Variants in KIAA1549L observed in about 807,000 individuals in gnomAD.
KIAA1549L encodes UPF0606 protein KIAA1549L.
In KIAA1549L, 88 loss-of-function variants were observed where a neutral mutation model predicts 160.7. That is an observed-to-expected ratio of 0.55 (90% CI 0.46 to 0.65). KIAA1549L has a LOEUF of 0.65. Among genes scored for constraint, KIAA1549L ranks in the 30% least tolerant of loss-of-function variants. The pLI is 0.00. For missense variants in KIAA1549L, 2,258 were observed against 2,437.5 expected (o/e 0.93, Z 1.55); for synonymous variants, 950 against 976.7 (o/e 0.97, Z 0.51).
At chr11:33,552,730 A>G (rs868580333) in intron 6 of KIAA1549L, among the ~76,000 whole-genome samples, 2 of 150,898 alleles carry the variant, frequency 1.3e-5, no homozygotes, top group East Asian at 3.9e-4. Context: ...AGTCTTTACT[A>G]TGTGCCAGGA....
rs1196454444 is a variant in KIAA1549L at position 33,516,446 on chromosome 11, C to T, written c.239-25356C>T. Among the ~76,000 whole-genome samples, 10 of 15,282 alleles carry T rather than the reference C, an allele frequency of 6.5e-4. 4 individuals are homozygous for T. The highest frequency in any genetic ancestry group is 2.1e-3 in the African/African-American group (2 of 968). 10.0% of individuals were successfully genotyped at this position (15,282 alleles called of 152,430 possible). A position where few individuals can be genotyped will look rare whatever the true frequency, so the allele number is the denominator to read the frequency against. On this transcript the variant is annotated intron_variant, in intron 1 of 20. Transcript: ENST00000658780. ...GATTACAGGCGTGAGCCACCGCGCC[C>T]GGCCTGGAGGTGATTCTTGAGATGT...
chr11:33,545,440 G>A, intron 3 of KIAA1549L, 62 bp downstream of exon 3: 1 of 1,502,414 alleles, frequency 6.7e-7, no homozygotes, highest in East Asian at 2.4e-5. Context: ...TAACCATAAT[G>A]TTTATTTTAG....
chr11:33,550,973 A>G, intron 4 of KIAA1549L, 67 bp from the exon 5 acceptor site: 1 of 1,315,846 alleles, frequency 7.6e-7, no homozygotes. Context: ...GTTCTAAGAA[A>G]TACCAGGAAG....
At position 33,604,072 on chromosome 11, in the gene KIAA1549L, C is replaced by T. The variant is rs56247905; in HGVS notation, c.4880-2569C>T. Among the ~76,000 whole-genome samples the T allele has an allele frequency of 8.2e-3, 1,245 of 152,220 alleles. 10 individuals are homozygous for T. The highest frequency in any genetic ancestry group is 0.027 in the African/African-American group (1,141 of 41,534). ...GGATAGAGGGAGAAGAGGGAAAGCT[C>T]AGAGGTGGAAGGTTGTTTAGAAGGT... is the stretch of plus-strand genomic sequence containing the variant. On this transcript the variant is annotated intron_variant, in intron 13 of 20. Coordinates refer to ENST00000658780, the MANE Select transcript of KIAA1549L (RefSeq NM_012194.3).
At position 33,583,321 on chromosome 11, in the gene KIAA1549L, C is replaced by T; in HGVS notation, c.4403-17C>T. The T allele has an allele frequency of 6.3e-7, 1 of 1,591,716 alleles. No individual in the cohort carries two copies. Among genetic ancestry groups the T allele is most frequent in the Non-Finnish European group, 8.6e-7 (1 of 1,168,834 alleles). On this transcript the variant is annotated splice_polypyrimidine_tract_variant and intron_variant, in intron 10 of 20. Transcript: ENST00000658780. ...AGTGTTGCTTGTCATGTCCCTCCTG[C>T]TGGCTCTTTCCCACAGCCGTGGTGA...
intron 1 of KIAA1549L, among the ~76,000 whole-genome samples, chr11:33,465,046 C>CTTTTTTTTTTTTTT (rs1008261470): frequency 1.3e-5 from 1 of 78,964 alleles, no homozygotes; most frequent in Non-Finnish European, 2.5e-5. Flanking sequence ...GGACCTTCTT[C>CTTTTTTTTTTTTTT]TTTTTTTTTT....
rs372212625 is a variant in KIAA1549L at position 33,400,978 on chromosome 11, C to G, written c.238+24089C>G. 1.8e-4 allele frequency among the ~76,000 whole-genome samples: 28 copies of G among 152,252 alleles called. No homozygotes were observed. The South Asian group carries it at 5.8e-3, about 32-fold the overall frequency. ...CTGAACCCAAGGCCTGTGCTCCTGT[C>G]CACTGCTAAGCTGAATGCTCTCCAT... On this transcript the variant is annotated intron_variant, in intron 1 of 20. Coordinates refer to ENST00000658780, the MANE Select transcript of KIAA1549L (RefSeq NM_012194.3).
At chr11:33,632,603 A>G (rs917171897) in intron 16 of KIAA1549L, among the ~76,000 whole-genome samples, 7 of 152,060 alleles carry the variant, frequency 4.6e-5, no homozygotes, top group African/African-American at 1.7e-4. Flanking sequence ...TTAGAGAGAC[A>G]GATCTTGCTC....
intron 1 of KIAA1549L, among the ~76,000 whole-genome samples, chr11:33,538,309 A>G (rs1256889576): frequency 2.6e-5 from 4 of 152,222 alleles, no homozygotes; most frequent in African/African-American, 9.7e-5. Context: ...GGGTGGAGAC[A>G]CAAAGCCTAG....
chr11:33,438,989 C>T (rs950129136), intron 1 of KIAA1549L, among the ~76,000 whole-genome samples: 4 of 151,284 alleles, frequency 2.6e-5, no homozygotes, highest in Non-Finnish European at 3.0e-5. Context: ...TGCAGTGGCA[C>T]GATCTCAGCT....
At chr11:33,401,851 G>A (rs1249591101) in intron 1 of KIAA1549L, among the ~76,000 whole-genome samples, 2 of 152,182 alleles carry the variant, frequency 1.3e-5, no homozygotes, top group East Asian at 1.9e-4. Context: ...AGCAGCAAGA[G>A]GAGGTCCAAC....
rs748234166 is a variant in KIAA1549L, at chr11:33,646,025, C to T, written c.5749C>T (p.Leu1917=). ...CCGCCCAGAAATGTATCAGTACAGTCTGCCCCGGCCGGTAAGTCATTCATT... is the reference window on the plus strand; with the variant it reads ...CCGCCCAGAAATGTATCAGTACAGTTTGCCCCGGCCGGTAAGTCATTCATT... ...TYRPEMYQYS[L]PRPAYRFSQL... Residue 1917 remains leucine, a synonymous_variant, in exon 17 of 21, where the codon CTG becomes TTG. Coordinates refer to ENST00000658780, the MANE Select transcript of KIAA1549L (RefSeq NM_012194.3). 1.3e-6 allele frequency: 2 copies of T among 1,566,806 alleles called. No individual in the cohort carries two copies. The highest frequency in any genetic ancestry group is 1.2e-5 in the South Asian group (1 of 85,634).
intron 1 of KIAA1549L, among the ~76,000 whole-genome samples, chr11:33,525,934 G>C (rs901307228): frequency 6.6e-6 from 1 of 151,896 alleles, no homozygotes; most frequent in African/African-American, 2.4e-5. Context: ...AGAACCACCC[G>C]CACCGCTGCC....
intron 19 of KIAA1549L, among the ~76,000 whole-genome samples, chr11:33,660,382 G>A (rs377628573): frequency 1.1e-3 from 169 of 152,206 alleles, no homozygotes; most frequent in African/African-American, 3.7e-3. Flanking sequence ...TCGAGACCAC[G>A]GTGAAACCCC....
chr11:33,454,153 CGGA>C (rs1851775753), intron 1 of KIAA1549L, among the ~76,000 whole-genome samples: 1 of 152,188 alleles, frequency 6.6e-6, no homozygotes, highest in South Asian at 2.1e-4. Flanking sequence ...AAGAAGTAAG[CGGA>C]GGAGACTCTG....
intron 15 of KIAA1549L, among the ~76,000 whole-genome samples, chr11:33,617,789 G>GTGGGTGGA (rs370455328): frequency 2.7e-5 from 4 of 149,040 alleles, no homozygotes; most frequent in Admixed American, 1.3e-4. Flanking sequence ...GGAAGCCTCG[G>GTGGGTGGA]TGGATGGATG....
In KIAA1549L at chr11:33,523,080, G is replaced by C. The variant is rs566121003; in HGVS notation, c.239-18722G>C. ...AATTTGTCAGCCATGGAATGACAAA[G>C]AGTGTGTTTTCTGATTCTACAATGG... On this transcript the variant is annotated intron_variant, in intron 1 of 20. Transcript: ENST00000658780. Among the ~76,000 whole-genome samples the C allele has an allele frequency of 7.2e-4, 110 of 152,300 alleles. 1 individual carries two copies. Among genetic ancestry groups the C allele is most frequent in the Non-Finnish European group, 1.4e-3 (95 of 68,022 alleles).
At chr11:33,613,787 AG>A (rs1197299156) in intron 15 of KIAA1549L, among the ~76,000 whole-genome samples, 1 of 152,248 alleles carries the variant, frequency 6.6e-6, no homozygotes, top group Non-Finnish European at 1.5e-5. Context: ...ATCAAATAAA[AG>A]ACAAAGTTTA....
chr11:33,389,646 C>G (rs1283933479), intron 1 of KIAA1549L, among the ~76,000 whole-genome samples: 2 of 152,200 alleles, frequency 1.3e-5, no homozygotes, highest in East Asian at 1.9e-4. Flanking sequence ...GAATATTTCT[C>G]TAGTCTCTAG....
Sources: allele counts gnomAD v4.1 joint callset (sites outside exome capture counted in the v4.1 genomes callset), GRCh38; gene constraint gnomAD v4.1.1; transcripts MANE v1.5; gene names NCBI Gene and HGNC (gene_info 2026-07-23, HGNC 2026-07-21).